Variants in SACS observed in about 807,000 individuals in gnomAD.
SACS encodes sacsin molecular chaperone.
In SACS, 197 loss-of-function variants were observed where a neutral mutation model predicts 348.0. That is an observed-to-expected ratio of 0.57 (90% CI 0.50 to 0.64). The LOEUF (loss-of-function observed/expected upper bound fraction) is 0.64, where lower values mean the gene tolerates loss of function less well. SACS is among the 30% of genes least tolerant of loss of function. The probability of loss-of-function intolerance (pLI) is 0.00; values close to 1 mark genes in which losing one functional copy is unlikely to be tolerated. For synonymous variants in SACS, 1,985 were observed against 1,910.6 expected (o/e 1.04, Z -1.02); for missense variants, 4,999 against 5,360.8 (o/e 0.93, Z 2.11).
rs751876010 is a variant in SACS, at chr13:23,339,322, A to G, written c.4554T>C (p.His1518=). The G allele has an allele frequency of 8.1e-6, 13 of 1,612,408 alleles. No individual in the cohort carries two copies. The African/African-American group carries it at 1.3e-4, about 17-fold the overall frequency. ...TGTTGAATGACCACAAAGCAGGTCC[A>G]TGACAAGCTGCCATCCCTGGGTCTA... ...NLLDPGMAAC[H]GPALWSFNNS... The change falls in exon 10 of 10, where the codon CAT becomes CAC. Residue 1518 remains histidine, a synonymous_variant. Transcript: ENST00000382292.
intron 5 of SACS, among the ~76,000 whole-genome samples, chr13:23,365,930 A>G (rs1312471019): frequency 1.3e-5 from 2 of 152,164 alleles, no homozygotes; most frequent in Non-Finnish European, 2.9e-5. Context: ...CGTAATGTAG[A>G]AAGGAAAGGG....
At position 23,341,090 on chromosome 13, in the gene SACS, C is replaced by A. The variant is rs747391373; in HGVS notation, c.2786G>T (p.Arg929Leu). Residue 929 changes from arginine to leucine, a missense_variant, in exon 10 of 10, where the codon CGC (arginine) becomes CTC (leucine). By Grantham distance (102) the Arg-to-Leu change is moderately radical. Transcript: ENST00000382292. ...RIIQELAIFK[R>L]INHSSDQGIS... ...TCCCTGATCAGAAGAATGGTTAATG[C>A]GCTTGAATATTGCCAATTCTTGAAT... is the stretch of plus-strand genomic sequence containing the variant. 5 of 1,613,740 alleles carry A rather than the reference C, an allele frequency of 3.1e-6. No individual in the cohort carries two copies. Among genetic ancestry groups the A allele is most frequent in the South Asian group, 2.2e-5 (2 of 91,078 alleles).
chr13:23,356,338 G>A (rs1019283460), intron 7 of SACS, among the ~76,000 whole-genome samples: 1 of 152,134 alleles, frequency 6.6e-6, no homozygotes, highest in Non-Finnish European at 1.5e-5. Context: ...AGCCCAATTC[G>A]ACAGAACAGG....
Position 23,333,494 on chromosome 13 carries a change from T to C in SACS, c.10382A>G (p.Glu3461Gly). 3.1e-6 allele frequency: 5 copies of C among 1,613,342 alleles called. No homozygotes were observed. The highest frequency in any genetic ancestry group is 4.2e-6 in the Non-Finnish European group (5 of 1,179,530). The change falls in exon 10 of 10, where the codon GAA becomes GGA. Residue 3461 changes from glutamate to glycine, a missense_variant. Coordinates refer to ENST00000382292, the MANE Select transcript of SACS (RefSeq NM_014363.6). ...AFLEEKIHLK[E>G]LYEVIGCVPV... ...TACACAACCAATCACCTCATATAGTTCTTTTAAGTGTATTTTTTCTTCAAG... is the reference window on the plus strand; with the variant it reads ...TACACAACCAATCACCTCATATAGTCCTTTTAAGTGTATTTTTTCTTCAAG...
chr13:23,368,950 T>C (rs370455250), intron 4 of SACS, among the ~76,000 whole-genome samples: 48 of 152,232 alleles, frequency 3.2e-4, no homozygotes, highest in South Asian at 6.2e-4. Context: ...CCGCCCACCT[T>C]GGCCTCCCAA....
intron 9 of SACS, among the ~76,000 whole-genome samples, chr13:23,351,135 A>G (rs545904428): frequency 6.6e-6 from 1 of 152,234 alleles, no homozygotes; most frequent in Admixed American, 6.5e-5. Context: ...AACTCAGGAA[A>G]GGAAAGCAAG....
chr13:23,411,194 G>C, intron 2 of SACS, 26 bp downstream of exon 2: 1 of 1,582,598 alleles, frequency 6.3e-7, no homozygotes, highest in East Asian at 2.2e-5. Flanking sequence ...GCAAATTATT[G>C]TCATTTAAAA....
chr13:23,359,905 T>C (rs1389357722), intron 6 of SACS, among the ~76,000 whole-genome samples: 2 of 152,130 alleles, frequency 1.3e-5, no homozygotes, highest in Non-Finnish European at 2.9e-5. Flanking sequence ...ACCCAGTTTG[T>C]TTTACAAAAA....
At position 23,355,608 on chromosome 13, in the gene SACS, G is replaced by A. The variant is rs767435985; in HGVS notation, c.1004C>T (p.Ser335Leu). Reference protein sequence around the residue: ...GTEKLVFRVTSSESKALKHER... With the variant: ...GTEKLVFRVTLSESKALKHER... Reference sequence around the variant, plus strand: ...ATGTTTCAGTGCCTTACTCTCACTCGAAGTCACTCTAAACACCAGTTTCTC... The same window carrying A: ...ATGTTTCAGTGCCTTACTCTCACTCAAAGTCACTCTAAACACCAGTTTCTC... The change falls in exon 8 of 10, where the codon TCG becomes TTG. Residue 335 changes from serine (S) to leucine (L), a missense_variant. This residue lies in a region of SACS where 3,156 missense variants were observed against 3,380.1 expected (regional missense o/e 0.93). Coordinates refer to ENST00000382292, the MANE Select transcript of SACS (RefSeq NM_014363.6). The A allele has an allele frequency of 2.6e-5, 42 of 1,614,052 alleles. 1 individual carries two copies. In the Middle Eastern group the frequency reaches 2.1e-3, roughly 82 times the overall value.
In SACS at chr13:23,333,018, T is replaced by C; in HGVS notation, c.10858A>G (p.Thr3620Ala). Residue 3620 changes from threonine to alanine, a missense_variant, in exon 10 of 10, where the codon ACA becomes GCA. Around this residue, in one of 6 missense-constraint regions of SACS, gnomAD observed 831 missense variants for 941.8 expected, o/e 0.88. Transcript: ENST00000382292. Reference sequence around the variant, plus strand: ...AGGATATCAACTGTATTTTGCAATGTTTCTTTGGACCAGTTTTCTGTATTA... The same window carrying C: ...AGGATATCAACTGTATTTTGCAATGCTTCTTTGGACCAGTTTTCTGTATTA... Reference protein sequence around the residue: ...RANTENWSKETLQNTVDILLH... With the variant: ...RANTENWSKEALQNTVDILLH... 1.2e-6 allele frequency: 2 copies of C among 1,614,006 alleles called. No homozygotes were observed. Among genetic ancestry groups the C allele is most frequent in the Non-Finnish European group, 1.7e-6 (2 of 1,179,936 alleles).
Position 23,333,707 on chromosome 13 carries a change from T to G in SACS, c.10169A>C (p.Tyr3390Ser). 6.2e-7 allele frequency: 1 copy of G among 1,613,816 alleles called. No individual in the cohort carries two copies. The highest frequency in any genetic ancestry group is 8.5e-7 in the Non-Finnish European group (1 of 1,179,758). ...CAAATGATTCAAATTGCAGTTGAAA[T>G]ACATCAAAAGTGCCTCAAAATCATT... ...VENDFEALLM[Y>S]FNCNLNHLMS... Residue 3390 changes from tyrosine (Y) to serine (S), a missense_variant, in exon 10 of 10, where the codon TAT becomes TCT. Around this residue, in one of 6 missense-constraint regions of SACS, gnomAD observed 734 missense variants for 694.0 expected, o/e 1.06. Transcript: ENST00000382292.
chr13:23,374,457 A>G (rs535977319), intron 3 of SACS, among the ~76,000 whole-genome samples: 27 of 152,368 alleles, frequency 1.8e-4, no homozygotes, highest in African/African-American at 6.5e-4. Flanking sequence ...TTATCACATG[A>G]AGATGTTTAT....
intron 7 of SACS, among the ~76,000 whole-genome samples, chr13:23,357,465 T>C (rs1438078406): frequency 6.6e-6 from 1 of 152,190 alleles, no homozygotes; most frequent in East Asian, 1.9e-4. Flanking sequence ...TACTTCCCAC[T>C]TGCCCAGGGC....
At chr13:23,429,605 T>C (rs1874350466) in intron 1 of SACS, among the ~76,000 whole-genome samples, 1 of 151,792 alleles carries the variant, frequency 6.6e-6, no homozygotes, top group Non-Finnish European at 1.5e-5. Flanking sequence ...CCTCGTGATC[T>C]GCCCACCTGG....
intron 9 of SACS, chr13:23,346,817 AT>A (rs1382690313): frequency 3.5e-5 from 34 of 984,282 alleles, no homozygotes; most frequent in Admixed American, 6.1e-5. Flanking sequence ...CTACCTGAAT[AT>A]CCCCAGAGTT....
intron 1 of SACS, chr13:23,428,353 AAT>A (rs1420925664): frequency 6.6e-6 from 1 of 152,206 alleles, no homozygotes; most frequent in Non-Finnish European, 1.5e-5. Flanking sequence ...TTCAGGAGAA[AAT>A]ATGAGTCAGC....
intron 6 of SACS, among the ~76,000 whole-genome samples, chr13:23,360,425 A>C (rs2137753982): frequency 6.6e-6 from 1 of 151,568 alleles, no homozygotes; most frequent in East Asian, 1.9e-4. Flanking sequence ...AAGTCACAAC[A>C]CTGAACACCA....
At chr13:23,347,911 C>T (rs1431945475) in intron 9 of SACS, among the ~76,000 whole-genome samples, 1 of 152,116 alleles carries the variant, frequency 6.6e-6, no homozygotes, top group Non-Finnish European at 1.5e-5. Context: ...TTCCATGTAC[C>T]AGGCATCTTC....
intron 8 of SACS, 59 bp downstream of exon 8, chr13:23,354,460 G>A (rs1870184306): frequency 6.9e-7 from 1 of 1,444,508 alleles, no homozygotes; most frequent in Non-Finnish European, 9.7e-7. Context: ...GACTCTCACA[G>A]TGAGCAGGAG....
Sources: gnomAD v4.1 joint callset for allele counts (sites outside exome capture counted in the v4.1 genomes callset) on GRCh38, gnomAD v4.1.1 for gene constraint, gnomAD v4.1.1 regional missense constraint, MANE v1.5 for transcripts, NCBI Gene and HGNC (gene_info 2026-07-23, HGNC 2026-07-21) for gene names.